The following COQ5 variants were observed in gnomAD, a reference collection of about 807,000 sequenced individuals.
COQ5 encodes coenzyme Q5, methyltransferase.
In COQ5, 27 loss-of-function variants were observed where a neutral mutation model predicts 40.5. That is an observed-to-expected ratio of 0.67 (90% confidence interval 0.49 to 0.92). The LOEUF (loss-of-function observed/expected upper bound fraction) is 0.92, where lower values mean the gene tolerates loss of function less well. COQ5 is among the 40% of genes least tolerant of loss of function. The probability of loss-of-function intolerance (pLI) is 0.00; values close to 1 mark genes in which losing one functional copy is unlikely to be tolerated. For synonymous variants in COQ5, 141 were observed against 150.0 expected (o/e 0.94, Z 0.44); for missense variants, 409 against 406.4 (o/e 1.01, Z -0.06).
At chr12:120,509,236 G>A (rs1638646258) in intron 4 of COQ5, among the ~76,000 whole-genome samples, 1 of 150,970 alleles carries the variant, frequency 6.6e-6, no homozygotes, top group Non-Finnish European at 1.5e-5. Context: ...AGGAATAAAG[G>A]CCAGGCATGG....
At chr12:120,526,950 C>T (rs1288791708) in intron 1 of COQ5, 1 of 152,454 alleles carries the variant, frequency 6.6e-6, no homozygotes, top group East Asian at 1.9e-4. Context: ...CTCCTGACCT[C>T]ATGATCCACC....
intron 1 of COQ5, among the ~76,000 whole-genome samples, chr12:120,527,737 C>T (rs1870015741): frequency 6.6e-6 from 1 of 151,592 alleles, no homozygotes; most frequent in Non-Finnish European, 1.5e-5. Context: ...AATCCCAGCA[C>T]TTTGGGAGGC....
In COQ5 at chr12:120,522,330, T is replaced by C. The variant is rs1869706031; in HGVS notation, c.236A>G (p.Tyr79Cys). 1.2e-6 allele frequency: 2 copies of C among 1,613,818 alleles called. No individual in the cohort carries two copies. Among genetic ancestry groups the C allele is most frequent in the Non-Finnish European group, 8.5e-7 (1 of 1,179,724 alleles). ...YQVFESVAKK[Y>C]DVMNDMMSLG... ...ACTCATCATATCATTCATCACATCA[T>C]ACTTCTTAGCCACACTTTCAAACAC... The change falls in exon 2 of 7, where the codon TAT (tyrosine) becomes TGT (cysteine). Residue 79 changes from tyrosine (Y) to cysteine (C), a missense_variant. Tyr to Cys is a radical substitution (Grantham distance 194, BLOSUM62 -2). Coordinates refer to ENST00000288532, the MANE Select transcript of COQ5 (RefSeq NM_032314.4).
chr12:120,512,005 T>A (rs1671768), intron 3 of COQ5, among the ~76,000 whole-genome samples: 119,875 of 151,648 alleles, frequency 0.79, 47,692 homozygotes, highest in Admixed American at 0.85. Context: ...AGGTCAGGAG[T>A]TCAAGACCAT....
chr12:120,513,717 A>T (rs1869253155), intron 3 of COQ5, among the ~76,000 whole-genome samples: 1 of 151,710 alleles, frequency 6.6e-6, no homozygotes, highest in Admixed American at 6.6e-5. Context: ...ACAGGGTTTC[A>T]CCATGTTGAC....
intron 3 of COQ5, among the ~76,000 whole-genome samples, chr12:120,514,778 CAACA>C (rs1324952293): frequency 6.6e-6 from 1 of 151,742 alleles, no homozygotes; most frequent in African/African-American, 2.4e-5. Context: ...ACAACAACAA[CAACA>C]AAAACTGGGC....
chr12:120,515,109 T>A (rs1416104032), intron 3 of COQ5, among the ~76,000 whole-genome samples: 3 of 150,800 alleles, frequency 2.0e-5, no homozygotes, highest in Non-Finnish European at 4.4e-5. Context: ...GCTTTTTTTT[T>A]GAGACAGGGT....
At position 120,516,655 on chromosome 12, in the gene COQ5, C is replaced by G; in HGVS notation, c.486G>C (p.Leu162Phe). 1 of 1,614,164 alleles carries G rather than the reference C, an allele frequency of 6.2e-7. No individual in the cohort carries two copies. The highest frequency in any genetic ancestry group is 8.5e-7 in the Non-Finnish European group (1 of 1,180,018). The change falls in exon 3 of 7, where the codon TTG (leucine) becomes TTC (phenylalanine). Residue 162 changes from leucine to phenylalanine, a missense_variant. Physicochemically the swap from Leu to Phe is conservative, Grantham distance 22 (BLOSUM62 0). Transcript: ENST00000288532. ...AKEYQNEEDSLGGSRVVVCDI... is the reference protein window; with the variant it reads ...AKEYQNEEDSFGGSRVVVCDI... ...CACACACCACGACACGAGACCCGCCCAAGGAATCTTCTTCATTCTGGTACT... is the reference window on the plus strand; with the variant it reads ...CACACACCACGACACGAGACCCGCCGAAGGAATCTTCTTCATTCTGGTACT...
intron 4 of COQ5, among the ~76,000 whole-genome samples, chr12:120,505,254 A>T (rs1868827987): frequency 6.6e-6 from 1 of 152,242 alleles, no homozygotes; most frequent in South Asian, 2.1e-4. Context: ...GTAAGTTTAG[A>T]GTTACCTTTC....
At chr12:120,522,911 A>C (rs529961) in intron 1 of COQ5, 13 of 705,274 alleles carry the variant, frequency 1.8e-5, no homozygotes, top group Non-Finnish European at 3.0e-5. Context: ...TGATAGCGTC[A>C]GCACGTGCAC....
chr12:120,522,509 A>ACACCTTAACATTAC, intron 1 of COQ5, 146 bp from the exon 2 acceptor site: 1 of 747,604 alleles, frequency 1.3e-6, no homozygotes, highest in Middle Eastern at 3.3e-4. Context: ...GCCCAAATCT[A>ACACCTTAACATTAC]CACCTTAACA....
At chr12:120,510,197 T>A in intron 3 of COQ5, 74 bp from the exon 4 acceptor site, 1 of 1,198,508 alleles carries the variant, frequency 8.3e-7, no homozygotes, top group Non-Finnish European at 1.2e-6. Flanking sequence ...TCATTTCATG[T>A]AGAGCATTGA....
At chr12:120,524,053 C>T (rs1342163899) in intron 1 of COQ5, 1 of 279,950 alleles carries the variant, frequency 3.6e-6, no homozygotes, top group South Asian at 2.7e-5. Context: ...GGAAAGACCT[C>T]GGCTCATGTC....
At chr12:120,522,712 A>G in intron 1 of COQ5, 1 of 654,090 alleles carries the variant, frequency 1.5e-6, no homozygotes, top group Non-Finnish European at 2.7e-6. Context: ...CCTAAGCTGG[A>G]GCTGCAGCCT....
At chr12:120,506,542 T>C (rs1868889972) in intron 4 of COQ5, among the ~76,000 whole-genome samples, 1 of 151,934 alleles carries the variant, frequency 6.6e-6, no homozygotes, top group South Asian at 2.1e-4. Context: ...AATTTTTGCA[T>C]TTTTAGTAGA....
intron 2 of COQ5, among the ~76,000 whole-genome samples, chr12:120,520,719 A>G (rs2137089461): frequency 6.6e-6 from 1 of 151,962 alleles, no homozygotes; most frequent in Middle Eastern, 3.4e-3. Flanking sequence ...GATCCTCCCA[A>G]AGTGCTACGA....
intron 1 of COQ5, chr12:120,526,412 G>A (rs1158707641): frequency 2.2e-6 from 1 of 452,508 alleles, no homozygotes; most frequent in Non-Finnish European, 4.4e-6. Context: ...CCACTGGAGA[G>A]ACTCTAGACA....
At chr12:120,518,779 G>A (rs1869509653) in intron 2 of COQ5, among the ~76,000 whole-genome samples, 1 of 151,768 alleles carries the variant, frequency 6.6e-6, no homozygotes, top group African/African-American at 2.4e-5. Flanking sequence ...TGGTCAGGCT[G>A]GTCTCAGACT....
In COQ5 at chr12:120,529,067, C is replaced by T. The variant is rs759279144; in HGVS notation, c.75G>A (p.Gln25=). The change falls in exon 1 of 7, where the codon CAG becomes CAA. Residue 25 remains glutamine, a synonymous_variant. Transcript: ENST00000288532. The part of the protein sequence containing the change: ...RGWSRAMRGC[Q]LLGLRSSWPG... ...GCCAAGAGCTACGAAGCCCGAGGAG[C>T]TGGCAGCCCCGCATCGCCCGCGACC... 6.2e-6 allele frequency: 10 copies of T among 1,614,078 alleles called. No homozygotes were observed. The highest frequency in any genetic ancestry group is 8.5e-6 in the Non-Finnish European group (10 of 1,180,046).
Sources: allele counts gnomAD v4.1 joint callset (sites outside exome capture counted in the v4.1 genomes callset), GRCh38; gene constraint gnomAD v4.1.1; transcripts MANE v1.5; gene names NCBI Gene and HGNC (gene_info 2026-07-23, HGNC 2026-07-21).